The following TRPM6 variants were observed in gnomAD, a reference collection of about 807,000 sequenced individuals.
TRPM6 encodes channel kinase 2.
Under a neutral mutation model 247.6 loss-of-function variants are expected in TRPM6, and 111 were observed. The observed-to-expected ratio is 0.45, with a 90% CI of 0.38 to 0.52. The LOEUF (loss-of-function observed/expected upper bound fraction) is 0.52. Among genes scored for constraint, TRPM6 ranks in the 20% least tolerant of loss-of-function variants. TRPM6 has a pLI of 0.00. For synonymous variants in TRPM6, 892 were observed against 853.8 expected (o/e 1.04, Z -0.78); for missense variants, 2,126 against 2,421.5 (o/e 0.88, Z 2.56).
intron 1 of TRPM6, among the ~76,000 whole-genome samples, chr9:74,865,184 G>A (rs1480467145): frequency 1.3e-5 from 2 of 152,098 alleles, no homozygotes; most frequent in African/African-American, 2.4e-5. Context: ...GGGATTAGAG[G>A]AACTCAACAG....
chr9:74,724,895 G>C (rs1334910032), intron 38 of TRPM6, 149 bp from the exon 39 acceptor site: 2 of 1,044,268 alleles, frequency 1.9e-6, no homozygotes, highest in Non-Finnish European at 2.8e-6. Context: ...CCTCAACCAT[G>C]TCTAGATTAA....
intron 1 of TRPM6, among the ~76,000 whole-genome samples, chr9:74,869,340 C>T (rs1324387802): frequency 3.3e-5 from 5 of 151,432 alleles, no homozygotes; most frequent in Non-Finnish European, 2.9e-5. Flanking sequence ...CATGGTGGCA[C>T]GCACCTGTAG....
At chr9:74,765,009 A>C (rs1329886905) in intron 25 of TRPM6, among the ~76,000 whole-genome samples, 1 of 152,202 alleles carries the variant, frequency 6.6e-6, no homozygotes, top group Non-Finnish European at 1.5e-5. Flanking sequence ...GTTTTAACCT[A>C]GCAAATTAAA....
At chr9:74,777,094 G>T (rs1296053615) in intron 23 of TRPM6, among the ~76,000 whole-genome samples, 1 of 152,166 alleles carries the variant, frequency 6.6e-6, no homozygotes, top group East Asian at 1.9e-4. Flanking sequence ...TATATCAGGA[G>T]TTCTCAAGCA....
In TRPM6 at chr9:74,762,959, G is replaced by A. The variant is rs1193524141; in HGVS notation, c.3712C>T (p.Leu1238=). The A allele has an allele frequency of 2.5e-6, 4 of 1,608,728 alleles. No homozygotes were observed. Among genetic ancestry groups the A allele is most frequent in the African/African-American group, 1.3e-5 (1 of 74,706 alleles). ...CAAGTAGAATGCTTTCTCTTGGCCA[G>A]GAGAGCCTCATCCTCTTGCAAAGTG... ...VDTLQEDEAL[L]AKRKHSTCKK... Residue 1238 remains leucine (L), a synonymous_variant, in exon 26 of 39, where the codon CTG becomes TTG. Transcript: ENST00000360774.
intron 12 of TRPM6, 53 bp downstream of exon 12, chr9:74,812,246 C>T: frequency 6.2e-7 from 1 of 1,609,976 alleles, no homozygotes; most frequent in Non-Finnish European, 8.5e-7. Context: ...CTTGATGATC[C>T]TTGCTCTTCT....
At chr9:74,726,759 G>A (rs968694689) in intron 38 of TRPM6, among the ~76,000 whole-genome samples, 18 of 152,080 alleles carry the variant, frequency 1.2e-4, no homozygotes, top group African/African-American at 3.9e-4. Flanking sequence ...TGAATGAGCC[G>A]GACTCCAGCC....
intron 1 of TRPM6, among the ~76,000 whole-genome samples, chr9:74,881,692 C>T (rs755637267): frequency 1.2e-4 from 19 of 152,142 alleles, no homozygotes; most frequent in South Asian, 1.0e-3. Context: ...ACACAAAACA[C>T]ATCTCAACTA....
intron 7 of TRPM6, 51 bp downstream of exon 7, chr9:74,827,727 C>A (rs1294799373): frequency 1.3e-6 from 2 of 1,591,534 alleles, no homozygotes; most frequent in Non-Finnish European, 1.7e-6. Context: ...CCATGAAAGA[C>A]CTCAGCAGGC....
At chr9:74,783,322 G>C (rs949761569) in intron 21 of TRPM6, among the ~76,000 whole-genome samples, 39 of 152,110 alleles carry the variant, frequency 2.6e-4, no homozygotes, top group African/African-American at 9.2e-4. Flanking sequence ...CATCAACTCA[G>C]TCCATTAGTT....
In TRPM6 at chr9:74,816,997, T is replaced by C. The variant is rs371589796; in HGVS notation, c.1135-33A>G. Reference sequence around the variant, plus strand: ...AGTGAAAAACAGAGAGCCATACATTTGGGGAACTACCAAATAAATGCTTTC... The same window carrying C: ...AGTGAAAAACAGAGAGCCATACATTCGGGGAACTACCAAATAAATGCTTTC... On this transcript the variant is annotated intron_variant, in intron 9 of 38. Transcript: ENST00000360774. 8.3e-6 allele frequency: 13 copies of C among 1,567,704 alleles called. No homozygotes were observed. The African/African-American group carries it at 1.5e-4, about 18-fold the overall frequency.
intron 37 of TRPM6, among the ~76,000 whole-genome samples, chr9:74,730,646 G>C (rs1825489013): frequency 6.6e-6 from 1 of 152,178 alleles, no homozygotes; most frequent in Non-Finnish European, 1.5e-5. Context: ...TATTTCTGGG[G>C]AGGGTCCTGA....
At chr9:74,814,071 T>C (rs1039642358) in intron 11 of TRPM6, among the ~76,000 whole-genome samples, 5 of 152,210 alleles carry the variant, frequency 3.3e-5, no homozygotes, top group African/African-American at 1.2e-4. Context: ...CACTCCAGCC[T>C]GGGCCACAGA....
intron 4 of TRPM6, among the ~76,000 whole-genome samples, chr9:74,841,265 CT>C (rs1204176175): frequency 6.6e-6 from 1 of 152,156 alleles, no homozygotes; most frequent in Non-Finnish European, 1.5e-5. Flanking sequence ...AGCTGGCTTG[CT>C]TTTTCCAGCA....
rs147985237 is a variant in TRPM6, at chr9:74,835,558, C to A, written c.545-1436G>T. ...CTGGAATTAATACTAGTAATTAGTA[C>A]AGTAGCCAACACTTACTGGCCTACA... is the stretch of plus-strand genomic sequence containing the variant. On this transcript the variant is annotated intron_variant, in intron 5 of 38. Transcript: ENST00000360774. Among the ~76,000 whole-genome samples the A allele has an allele frequency of 8.5e-4, 129 of 152,184 alleles. 1 individual carries two copies. Among genetic ancestry groups the A allele is most frequent in the South Asian group, 8.3e-3 (40 of 4,822 alleles).
intron 1 of TRPM6, among the ~76,000 whole-genome samples, chr9:74,886,874 C>T (rs1010018090): frequency 2.6e-5 from 4 of 152,338 alleles, no homozygotes; most frequent in South Asian, 2.1e-4. Flanking sequence ...ATTCAGGCTA[C>T]CTGGCTCCAG....
At chr9:74,830,749 G>GTT (rs71368685) in intron 6 of TRPM6, among the ~76,000 whole-genome samples, 12 of 87,262 alleles carry the variant, frequency 1.4e-4, no homozygotes, top group Admixed American at 1.6e-4. Context: ...GCTAATTTTT[G>GTT]TTTTTTTTTT....
intron 1 of TRPM6, among the ~76,000 whole-genome samples, chr9:74,870,036 G>C (rs1403932537): frequency 6.6e-6 from 1 of 152,100 alleles, no homozygotes; most frequent in Non-Finnish European, 1.5e-5. Flanking sequence ...AGAAAGGATG[G>C]TAGGAAACAC....
intron 27 of TRPM6, among the ~76,000 whole-genome samples, chr9:74,759,978 G>A (rs1392475756): frequency 6.6e-6 from 1 of 152,040 alleles, no homozygotes; most frequent in Non-Finnish European, 1.5e-5. Flanking sequence ...CAAAAATACC[G>A]TCATGCCCCG....
Sources: allele counts gnomAD v4.1 joint callset (sites outside exome capture counted in the v4.1 genomes callset), GRCh38; gene constraint gnomAD v4.1.1; transcripts MANE v1.5; gene names NCBI Gene and HGNC (gene_info 2026-07-23, HGNC 2026-07-21).